The following THBS3 variants were observed in gnomAD, a reference collection of about 807,000 sequenced individuals.
THBS3 encodes the protein thrombospondin 3, also known as thrombospondin-3.
In THBS3, 78 loss-of-function variants were observed where a neutral mutation model predicts 118.3. That is an observed-to-expected ratio of 0.66 (90% CI 0.55 to 0.80). The LOEUF is 0.80. THBS3 is among the 30% of genes least tolerant of loss of function. The pLI, the probability that THBS3 is intolerant of heterozygous loss-of-function variation, is 0.00. For synonymous variants in THBS3, 427 were observed against 475.3 expected, an observed-to-expected ratio of 0.90 and a Z score of 1.32; for missense variants, 1,057 against 1,247.4, an observed-to-expected ratio of 0.85 and a Z score of 2.30.
At chr1:155,209,145 C>A (rs1282383162), upstream of THBS3, 1 of 1,527,790 alleles carries the variant, frequency 6.5e-7, no homozygotes, top group Non-Finnish European at 8.8e-7. Context: ...GGGATCTCCC[C>A]AGGCCCCCTG....
intron 13 of THBS3, 65 bp downstream of exon 13, chr1:155,200,832 T>C (rs1271877881): frequency 6.2e-7 from 1 of 1,612,350 alleles, no homozygotes; most frequent in Non-Finnish European, 8.5e-7. Context: ...ATGAGGTAAG[T>C]GAGGCACAGA....
chr1:155,203,391 C>A (rs1168776282), intron 5 of THBS3, 86 bp from the exon 6 acceptor site: 9 of 1,581,178 alleles, frequency 5.7e-6, no homozygotes, highest in Non-Finnish European at 7.8e-6. Flanking sequence ...CCTGCCACGG[C>A]TGCCCACCCC....
intron 11 of THBS3, 81 bp downstream of exon 11, chr1:155,201,336 C>T: frequency 7.0e-6 from 11 of 1,569,012 alleles, no homozygotes; most frequent in Non-Finnish European, 8.7e-6. Context: ...CCTATGAAGA[C>T]CCCCAACCCA....
In THBS3 at chr1:155,197,813, C is replaced by T. The variant is rs1668941155; in HGVS notation, c.2302+67G>A. 29 of 1,610,210 alleles carry T rather than the reference C, an allele frequency of 1.8e-5. No homozygotes were observed. Among genetic ancestry groups the T allele is most frequent in the Non-Finnish European group, 2.1e-5 (25 of 1,176,786 alleles). On this transcript the variant is annotated intron_variant, in intron 19 of 22. Coordinates refer to ENST00000368378, the MANE Select transcript of THBS3 (RefSeq NM_007112.5). The surrounding 1 kb of genome is among the most constrained non-coding windows in gnomAD (Gnocchi z 5.0). Reference sequence around the variant, plus strand: ...TGCCCATTCTCCCTGTCTGTTTCCTCCCCTACCCTCTGCCCCTATAGGATT... The same window carrying T: ...TGCCCATTCTCCCTGTCTGTTTCCTTCCCTACCCTCTGCCCCTATAGGATT...
chr1:155,196,221 C>G, intron 21 of THBS3, 95 bp from the exon 22 acceptor site: 2 of 1,434,754 alleles, frequency 1.4e-6, no homozygotes, highest in South Asian at 2.5e-5. Flanking sequence ...CCCCAGCCCC[C>G]CTTGAGCTCA....
intron 14 of THBS3, 38 bp from the exon 15 acceptor site, chr1:155,200,151 A>T: frequency 6.7e-7 from 1 of 1,488,644 alleles, no homozygotes; most frequent in Non-Finnish European, 9.1e-7. Flanking sequence ...TTACTAGAAC[A>T]TGCCATATTC....
At position 155,205,212 on chromosome 1, in the gene THBS3, C is replaced by T; in HGVS notation, c.391G>A (p.Gly131Ser). ...AGGGCAGGGCTGGGTCTGGAGGGAC[C>T]TCGGAGTCGCAGGAGAACTGTGTGT... Reference protein sequence around the residue: ...RTHTVLLRLRGPSRPSPALHL... With the variant: ...RTHTVLLRLRSPSRPSPALHL... The change falls in exon 3 of 23, where the codon GGT (glycine) becomes AGT (serine). Residue 131 changes from glycine (G) to serine (S), a missense_variant. Transcript: ENST00000368378. The T allele has an allele frequency of 6.2e-7, 1 of 1,614,174 alleles. No individual in the cohort carries two copies. Among genetic ancestry groups the T allele is most frequent in the South Asian group, 1.1e-5 (1 of 91,084 alleles).
At chr1:155,205,845 C>T (rs1379589947) in intron 2 of THBS3, among the ~76,000 whole-genome samples, 1 of 152,202 alleles carries the variant, frequency 6.6e-6, no homozygotes, top group Admixed American at 6.5e-5. Flanking sequence ...TGTATCCTCT[C>T]CTAGGGTGAC....
At position 155,200,911 on chromosome 1, in the gene THBS3, T is replaced by A; in HGVS notation, c.1534A>T (p.Ile512Phe). ...QCDDDADGDG[I>F]KNVEDNCRLF... The stretch of plus-strand genomic sequence containing the variant: ...CTGGGAGTCACCTCAACATTCTTGA[T>A]CCCATCCCCATCAGCATCATCATCA... The change falls in exon 13 of 23, where the codon ATC becomes TTC. Residue 512 changes from isoleucine (I) to phenylalanine (F), a missense_variant. Around this residue, in one of 3 missense-constraint regions of THBS3, gnomAD observed 544 missense variants for 715.6 expected, o/e 0.76. Transcript: ENST00000368378. 2 of 1,613,872 alleles carry A rather than the reference T, an allele frequency of 1.2e-6. No homozygotes were observed. The highest frequency in any genetic ancestry group is 1.7e-6 in the Non-Finnish European group (2 of 1,179,954).
At position 155,197,577 on chromosome 1, in the gene THBS3, G is replaced by A; in HGVS notation, c.2385C>T (p.Leu795=). The A allele has an allele frequency of 6.2e-7, 1 of 1,612,582 alleles. No homozygotes were observed. Among genetic ancestry groups the A allele is most frequent in the Non-Finnish European group, 8.5e-7 (1 of 1,179,294 alleles). ...AGCGGCCACTGTCTTGATAACTGAA[G>A]AGAAAGCCTGCGTAGTCATCATCAG... The part of the protein sequence containing the change: ...TVTDDDYAGF[L]FSYQDSGRFY... Residue 795 remains leucine, a synonymous_variant, in exon 20 of 23, where the codon CTC becomes CTT. Transcript: ENST00000368378. This position sits in a 1 kb window ranked among gnomAD's most constrained non-coding sequence, Gnocchi z 5.0.
At chr1:155,204,118 G>A (rs1308052615) in intron 4 of THBS3, among the ~76,000 whole-genome samples, 1 of 152,076 alleles carries the variant, frequency 6.6e-6, no homozygotes, top group Non-Finnish European at 1.5e-5. Flanking sequence ...GGGATTACAG[G>A]TGTGAGCCAC....
Position 155,201,997 on chromosome 1 carries a change from T to C in THBS3, c.1136A>G (p.Asn379Ser), listed in dbSNP as rs1188473941. 4 of 1,614,140 alleles carry C rather than the reference T, an allele frequency of 2.5e-6. No homozygotes were observed. ...GATGGAGTTTGGGTCACAGCCACCA[T>C]TGTTGCCATCGTTGCATTCATCGAT... ...NDIDECNDGN[N>S]GGCDPNSICT... Residue 379 changes from asparagine to serine, a missense_variant, in exon 10 of 23, where the codon AAT (asparagine) becomes AGT (serine). Physicochemically the swap from Asn to Ser is conservative, Grantham distance 46. Transcript: ENST00000368378.
intron 4 of THBS3, among the ~76,000 whole-genome samples, chr1:155,204,493 G>A (rs988320453): frequency 6.6e-6 from 1 of 151,902 alleles, no homozygotes; most frequent in African/African-American, 2.4e-5. Context: ...GGGAGGCTGA[G>A]GCAGGAGAAT....
At position 155,197,269 on chromosome 1, in the gene THBS3, C is replaced by T; in HGVS notation, c.2500-56G>A. The T allele has an allele frequency of 6.3e-7, 1 of 1,594,032 alleles. No homozygotes were observed. Among genetic ancestry groups the T allele is most frequent in the South Asian group, 1.1e-5 (1 of 90,022 alleles). On this transcript the variant is annotated intron_variant, in intron 20 of 22. Transcript: ENST00000368378. This position sits in a 1 kb window ranked among gnomAD's most constrained non-coding sequence, Gnocchi z 5.0. ...ACTGCAGAACTGGAGTGAGGGGAGA[C>T]AACAGGTCGGTAAGTGCAGGTGGGA...
rs1458372057 is a variant in THBS3, at chr1:155,202,965, G to C, written c.809-5C>G. The C allele has an allele frequency of 6.2e-7, 1 of 1,613,922 alleles. No homozygotes were observed. On this transcript the variant is annotated splice_region_variant and splice_polypyrimidine_tract_variant and intron_variant, in intron 7 of 22. Coordinates refer to ENST00000368378, the MANE Select transcript of THBS3 (RefSeq NM_007112.5). This position sits in a 1 kb window ranked among gnomAD's most constrained non-coding sequence, Gnocchi z 5.5. The stretch of plus-strand genomic sequence containing the variant: ...GGGAACGCTGCTCATGGAAGCCTGA[G>C]GGGTGGACACAGTCAGAGCTACCCG...
intron 21 of THBS3, chr1:155,196,407 G>A (rs1668683025): frequency 6.3e-6 from 3 of 478,182 alleles, no homozygotes; most frequent in Non-Finnish European, 1.1e-5. Flanking sequence ...AATGGGCTGG[G>A]GGGTGAAGTC....
Position 155,198,240 on chromosome 1 carries a change from G to T in THBS3, c.2075-20C>A. ...CATTGCCTGGGCAGAGTGAGGCTGGGTGCTCAGGAAGGCCCTGGCCACTGC... is the reference window on the plus strand; with the variant it reads ...CATTGCCTGGGCAGAGTGAGGCTGGTTGCTCAGGAAGGCCCTGGCCACTGC... On this transcript the variant is annotated intron_variant, in intron 17 of 22. Transcript: ENST00000368378. 1.2e-6 allele frequency: 2 copies of T among 1,613,048 alleles called. No homozygotes were observed. The highest frequency in any genetic ancestry group is 8.5e-7 in the Non-Finnish European group (1 of 1,179,132).
rs138007297 is a variant in THBS3, at chr1:155,202,026, A to G, written c.1107T>C (p.Asn369=). The change falls in exon 10 of 23, where the codon AAT becomes AAC. Residue 369 remains asparagine (N), a synonymous_variant. Coordinates refer to ENST00000368378, the MANE Select transcript of THBS3 (RefSeq NM_007112.5). This position sits in a 1 kb window ranked among gnomAD's most constrained non-coding sequence, Gnocchi z 5.5. ...TGCCATCGTTGCATTCATCGATGTC[A>G]TTGCAGACCTGAAGGGGCAGACTTT... The part of the protein sequence containing the change: ...DYARASKQVC[N]DIDECNDGNN... The G allele has an allele frequency of 1.2e-6, 2 of 1,614,152 alleles. No homozygotes were observed. The highest frequency in any genetic ancestry group is 4.5e-5 in the East Asian group (2 of 44,882).
At position 155,201,194 on chromosome 1, in the gene THBS3, C is replaced by T; in HGVS notation, c.1340G>A (p.Gly447Asp). Residue 447 changes from glycine to aspartate, a missense_variant, in exon 12 of 23, where the codon GGC (glycine) becomes GAC (aspartate). Gly to Asp is a moderately conservative substitution (Grantham distance 94, BLOSUM62 -1). This residue lies in a region of THBS3 where 544 missense variants were observed against 715.6 expected (regional missense o/e 0.76). Coordinates refer to ENST00000368378, the MANE Select transcript of THBS3 (RefSeq NM_007112.5). ...ACACACGTTCCCATTCCCAGCCCAG[C>T]CCACGTTACACTAGGGCAACACAAA... is the stretch of plus-strand genomic sequence containing the variant. The part of the protein sequence containing the change: ...NGAVSCQCNV[G>D]WAGNGNVCGT... 2.5e-6 allele frequency: 4 copies of T among 1,614,110 alleles called. No individual in the cohort carries two copies. Among genetic ancestry groups the T allele is most frequent in the Non-Finnish European group, 3.4e-6 (4 of 1,180,038 alleles).
Sources: gnomAD v4.1 joint callset for allele counts (sites outside exome capture counted in the v4.1 genomes callset) on GRCh38, gnomAD v4.1.1 for gene constraint, gnomAD v4.1.1 regional missense constraint, Gnocchi (gnomAD v3.1) non-coding constraint, MANE v1.5 for transcripts, NCBI Gene and HGNC (gene_info 2026-07-23, HGNC 2026-07-21) for gene names.